TNFSF15: variants seen among roughly 807,000 people sequenced by gnomAD.
TNFSF15 encodes the protein tumor necrosis factor ligand superfamily member 15.
Under a neutral mutation model 26.4 loss-of-function variants are expected in TNFSF15, and 15 were observed. The observed-to-expected ratio is 0.57, with a 90% CI of 0.38 to 0.87. TNFSF15 has a LOEUF of 0.87. TNFSF15 is among the 40% of genes least tolerant of loss of function. TNFSF15 has a pLI of 0.00. For synonymous variants in TNFSF15, 116 were observed against 115.0 expected, an observed-to-expected ratio of 1.01 and a Z score of -0.06; for missense variants, 290 against 306.1, an observed-to-expected ratio of 0.95 and a Z score of 0.39.
chr9:114,790,968 G>A (rs771250916), intron 3 of TNFSF15, 62 bp from the exon 4 acceptor site: 8 of 1,552,550 alleles, frequency 5.2e-6, no homozygotes, highest in Non-Finnish European at 7.1e-6. Context: ...TGCTTAAAAA[G>A]TGTCTCATAT....
chr9:114,805,904 G>A lies in TNFSF15; in HGVS notation c.109C>T (p.Leu37Phe), dbSNP rs377131025. 1.2e-6 allele frequency: 2 copies of A among 1,614,120 alleles called. No homozygotes were observed. The highest frequency in any genetic ancestry group is 2.7e-5 in the African/African-American group (2 of 75,066). ...GGGAGCAACACCAGGCAGCAGGTGA[G>A]AGCCCAGCGTGCGCTGCTGCTCCTG... ...KARSSSARWA[L>F]TCCLVLLPFL... The change falls in exon 1 of 4, where the codon CTC becomes TTC. Residue 37 changes from leucine (L) to phenylalanine (F), a missense_variant. Around this residue, in one of 3 missense-constraint regions of TNFSF15, gnomAD observed 179 missense variants for 165.9 expected, o/e 1.08. Transcript: ENST00000374045.
intron 1 of TNFSF15, among the ~76,000 whole-genome samples, chr9:114,801,655 A>G (rs373446032): frequency 6.6e-6 from 1 of 152,344 alleles, no homozygotes; most frequent in African/African-American, 2.4e-5. Context: ...TTTTATACAT[A>G]AAGAAGCCGA....
Position 114,790,510 on chromosome 9 carries a change from A to G in TNFSF15, c.698T>C (p.Ile233Thr). The G allele has an allele frequency of 1.2e-6, 2 of 1,614,080 alleles. No individual in the cohort carries two copies. Among genetic ancestry groups the G allele is most frequent in the Middle Eastern group, 1.6e-4 (1 of 6,062 alleles). Residue 233 changes from isoleucine (I) to threonine (T), a missense_variant, in exon 4 of 4, where the codon ATC (isoleucine) becomes ACC (threonine). Physicochemically the swap from Ile to Thr is moderately conservative, Grantham distance 89 (BLOSUM62 -1). Transcript: ENST00000374045. ...GDKLMVNVSD[I>T]SLVDYTKEDK... Reference sequence around the variant, plus strand: ...TTCTTTTGTGTAATCCACCAAAGAGATGTCACTGACGTTCACCATTAGCTT... The same window carrying G: ...TTCTTTTGTGTAATCCACCAAAGAGGTGTCACTGACGTTCACCATTAGCTT...
At chr9:114,804,147 T>C (rs1829785452) in intron 1 of TNFSF15, among the ~76,000 whole-genome samples, 1 of 152,158 alleles carries the variant, frequency 6.6e-6, no homozygotes, top group South Asian at 2.1e-4. Context: ...ACATCTGCTC[T>C]CCAGGAAGAT....
At chr9:114,801,677 G>A (rs1407414766) in intron 1 of TNFSF15, among the ~76,000 whole-genome samples, 2 of 152,162 alleles carry the variant, frequency 1.3e-5, no homozygotes, top group Admixed American at 1.3e-4. Context: ...GCCCGAAAGG[G>A]TTAGGTAACA....
intron 1 of TNFSF15, among the ~76,000 whole-genome samples, chr9:114,794,344 C>T (rs1032801738): frequency 6.6e-6 from 1 of 152,174 alleles, no homozygotes; most frequent in Non-Finnish European, 1.5e-5. Flanking sequence ...CATACCTGAG[C>T]ATAAAGCTTA....
chr9:114,796,120 T>C (rs1456927968), intron 1 of TNFSF15, among the ~76,000 whole-genome samples: 1 of 152,230 alleles, frequency 6.6e-6, no homozygotes, highest in Non-Finnish European at 1.5e-5. Context: ...TTTCTTTTTT[T>C]CTTCTTCTGC....
At chr9:114,803,166 A>G (rs543761867) in intron 1 of TNFSF15, among the ~76,000 whole-genome samples, 2 of 152,190 alleles carry the variant, frequency 1.3e-5, no homozygotes, top group East Asian at 1.9e-4. Flanking sequence ...CCGGGAGAGC[A>G]TCTGAAATTC....
chr9:114,802,338 C>G (rs373822859), intron 1 of TNFSF15, among the ~76,000 whole-genome samples: 8 of 152,118 alleles, frequency 5.3e-5, no homozygotes, highest in Admixed American at 5.2e-4. Flanking sequence ...CTGCAACCTC[C>G]GCCTCCCGGG....
chr9:114,805,865 G>A lies in TNFSF15; in HGVS notation c.148C>T (p.Leu50Phe). 1 of 1,614,018 alleles carries A rather than the reference G, an allele frequency of 6.2e-7. No homozygotes were observed. Among genetic ancestry groups the A allele is most frequent in the Non-Finnish European group, 8.5e-7 (1 of 1,180,030 alleles). Residue 50 changes from leucine (L) to phenylalanine (F), a missense_variant, in exon 1 of 4, where the codon CTC (leucine) becomes TTC (phenylalanine). Physicochemically the swap from Leu to Phe is conservative, Grantham distance 22. This residue lies in a region of TNFSF15 where 179 missense variants were observed against 165.9 expected (regional missense o/e 1.08). Transcript: ENST00000374045. ...CLVLLPFLAG[L>F]TTYLLVSQLR... ...TGGCTGACAAGCAGGTATGTGGTGA[G>A]TCCTGCAAGGAAGGGGAGCAACACC...
At chr9:114,800,027 T>C (rs111452076) in intron 1 of TNFSF15, among the ~76,000 whole-genome samples, 10 of 152,138 alleles carry the variant, frequency 6.6e-5, no homozygotes, top group Non-Finnish European at 1.3e-4. Context: ...CTCAACTATC[T>C]GTTTTTCTCT....
At chr9:114,798,289 T>C (rs1829698169) in intron 1 of TNFSF15, among the ~76,000 whole-genome samples, 1 of 151,808 alleles carries the variant, frequency 6.6e-6, no homozygotes, top group Non-Finnish European at 1.5e-5. Context: ...ATGTTAGCCC[T>C]AGCAAAAAAC....
At chr9:114,791,277 A>G in intron 3 of TNFSF15, 1 of 369,414 alleles carries the variant, frequency 2.7e-6, no homozygotes. Flanking sequence ...CAAATGACTC[A>G]GATAAAACTC....
intron 1 of TNFSF15, among the ~76,000 whole-genome samples, chr9:114,795,338 C>T (rs993805803): frequency 1.3e-5 from 2 of 152,138 alleles, no homozygotes; most frequent in African/African-American, 2.4e-5. Flanking sequence ...TATTTTACAT[C>T]TCAAAATGTG....
chr9:114,792,997 T>C (rs562217682), intron 2 of TNFSF15, among the ~76,000 whole-genome samples: 2 of 152,342 alleles, frequency 1.3e-5, no homozygotes, highest in South Asian at 2.1e-4. Flanking sequence ...GGCCTCTGTT[T>C]GTCTATTAGT....
intron 1 of TNFSF15, among the ~76,000 whole-genome samples, chr9:114,795,478 A>G (rs1412069908): frequency 6.6e-6 from 1 of 152,256 alleles, no homozygotes; most frequent in Non-Finnish European, 1.5e-5. Flanking sequence ...TAGCATAGCA[A>G]CAATTTACAC....
At position 114,785,301 on chromosome 9, in the gene TNFSF15, T is replaced by C. The variant is rs935498477; in HGVS notation, c.*5151A>G. On this transcript the variant is annotated 3_prime_UTR_variant, in exon 4 of 4. Transcript: ENST00000374045. ...TGAAATGATATAACTTGGAATAAAC[T>C]CCGCAGATACTGTCATTTCTAAAAT... The C allele has an allele frequency of 3.3e-5, 5 of 152,182 alleles. No individual in the cohort carries two copies. Among genetic ancestry groups the C allele is most frequent in the African/African-American group, 1.2e-4 (5 of 41,444 alleles). 9.4% of individuals were successfully genotyped at this position (152,182 alleles called of 1,614,324 possible).
At chr9:114,798,924 T>C (rs551003488) in intron 1 of TNFSF15, among the ~76,000 whole-genome samples, 1 of 152,358 alleles carries the variant, frequency 6.6e-6, no homozygotes, top group South Asian at 2.1e-4. Flanking sequence ...TCATAAATGC[T>C]GTAATTGCAA....
At position 114,787,614 on chromosome 9, in the gene TNFSF15, C is replaced by A. The variant is rs1020660249; in HGVS notation, c.*2838G>T. On this transcript the variant is annotated 3_prime_UTR_variant, in exon 4 of 4. Transcript: ENST00000374045. The stretch of plus-strand genomic sequence containing the variant: ...AACCCTGAATACACCCCATTAACCC[C>A]TTTTAGGGGAACATCACATGATCTT... 6.5e-6 allele frequency: 1 copy of A among 153,224 alleles called. No individual in the cohort carries two copies. The highest frequency in any genetic ancestry group is 2.4e-5 in the African/African-American group (1 of 41,440). The allele number at this position is 153,224 out of a possible 1,614,324, so 9.5% of individuals were successfully genotyped here. A position where few individuals can be genotyped will look rare whatever the true frequency, so the allele number is the denominator to read the frequency against.
Sources: gnomAD v4.1 joint callset for allele counts (sites outside exome capture counted in the v4.1 genomes callset) on GRCh38, gnomAD v4.1.1 for gene constraint, gnomAD v4.1.1 regional missense constraint, MANE v1.5 for transcripts, NCBI Gene and HGNC (gene_info 2026-07-23, HGNC 2026-07-21) for gene names.